Variants in GABRA4 observed in about 807,000 individuals in gnomAD.
GABRA4 encodes the protein gamma-aminobutyric acid receptor subunit alpha-4.
A neutral mutation model predicts 49.7 loss-of-function variants in GABRA4; 12 were observed. The observed-to-expected ratio is 0.24, with a 90% confidence interval of 0.15 to 0.39. The LOEUF (loss-of-function observed/expected upper bound fraction) is 0.39, where lower values mean the gene tolerates loss of function less well. GABRA4 is among the 10% of genes least tolerant of loss of function. GABRA4 has a pLI of 1.00. For missense variants in GABRA4, 506 were observed against 686.0 expected, an observed-to-expected ratio of 0.74 and a Z score of 2.93; for synonymous variants, 288 against 240.2, an observed-to-expected ratio of 1.20 and a Z score of -1.84.
chr4:46,921,202 T>C lies in GABRA4; in HGVS notation c.*7023A>G, dbSNP rs1721015693. 1 of 151,822 alleles carries C rather than the reference T, an allele frequency of 6.6e-6. No individual in the cohort carries two copies. The highest frequency in any genetic ancestry group is 2.1e-4 in the South Asian group (1 of 4,826). The allele number at this position is 151,822 out of a possible 1,614,324, so 9.4% of individuals were successfully genotyped here. Reference sequence around the variant, plus strand: ...TAAGAAACCATAGCATTTAAAAATTTTCCATTAAATGTATCGTTATCCAAA... The same window carrying C: ...TAAGAAACCATAGCATTTAAAAATTCTCCATTAAATGTATCGTTATCCAAA... On this transcript the variant is annotated 3_prime_UTR_variant, in exon 9 of 9. Transcript: ENST00000264318.
Position 46,992,874 on chromosome 4 carries a change from G to A in GABRA4, c.159C>T (p.Asp53=). The A allele has an allele frequency of 6.2e-7, 1 of 1,613,688 alleles. No individual in the cohort carries two copies. Residue 53 remains aspartate, a synonymous_variant, in exon 2 of 9, where the codon GAC becomes GAT. Transcript: ENST00000264318. The part of the protein sequence containing the change: ...LCTENFTRIL[D]SLLDGYDNRL... ...TGTTGTCATAACCATCGAGCAAACTGTCCAGGATGCGGGTGAAATTTTCTG... is the reference window on the plus strand; with the variant it reads ...TGTTGTCATAACCATCGAGCAAACTATCCAGGATGCGGGTGAAATTTTCTG...
At chr4:46,976,538 C>T (rs1723146415) in intron 5 of GABRA4, among the ~76,000 whole-genome samples, 1 of 151,564 alleles carries the variant, frequency 6.6e-6, no homozygotes, top group African/African-American at 2.4e-5. Context: ...TGCCATGCTT[C>T]AGTCACTGTT....
Position 46,993,456 on chromosome 4 carries a change from A to C in GABRA4, c.-32T>G. The C allele has an allele frequency of 6.2e-7, 1 of 1,609,614 alleles. No individual in the cohort carries two copies. Among genetic ancestry groups the C allele is most frequent in the Non-Finnish European group, 8.5e-7 (1 of 1,176,018 alleles). ...AACATGCCATACTTCAAGCCTGTTC[A>C]CGTTTCCAGGCTCTTCAGATGCCCT... On this transcript the variant is annotated 5_prime_UTR_variant, in exon 1 of 9. Coordinates refer to ENST00000264318, the MANE Select transcript of GABRA4 (RefSeq NM_000809.4).
At chr4:46,964,142 A>T (rs1236097506) in intron 8 of GABRA4, among the ~76,000 whole-genome samples, 2 of 151,936 alleles carry the variant, frequency 1.3e-5, no homozygotes, top group Non-Finnish European at 2.9e-5. Context: ...CATCAAGTTA[A>T]GTGACATAAT....
intron 7 of GABRA4, among the ~76,000 whole-genome samples, chr4:46,970,177 G>C (rs970554434): frequency 7.3e-5 from 11 of 151,332 alleles, no homozygotes; most frequent in African/African-American, 2.7e-4. Context: ...GTTCTATTTA[G>C]TTCCTTCGCA....
intron 8 of GABRA4, among the ~76,000 whole-genome samples, chr4:46,933,034 G>T (rs553604995): frequency 6.6e-6 from 1 of 152,162 alleles, no homozygotes; most frequent in Admixed American, 6.5e-5. Context: ...AAAATAAAAA[G>T]AATCAGTCTA....
chr4:46,928,588 G>A lies in GABRA4; in HGVS notation c.1302C>T (p.Asn434=), dbSNP rs1415203656. Residue 434 remains asparagine, a synonymous_variant, in exon 9 of 9, where the codon AAC becomes AAT. Transcript: ENST00000264318. ...TPRSYLASSP[N]PFSRANAAET... is the part of the protein sequence containing the mutation. ...CAGCTGCATTTGCACGGCTGAATGG[G>A]TTTGGACTGGAAGCTAAGTAAGACC... 6 of 1,613,778 alleles carry A rather than the reference G, an allele frequency of 3.7e-6. No individual in the cohort carries two copies. Among genetic ancestry groups the A allele is most frequent in the Admixed American group, 1.7e-5 (1 of 59,948 alleles).
intron 8 of GABRA4, among the ~76,000 whole-genome samples, chr4:46,949,701 G>C (rs1722098845): frequency 6.6e-6 from 1 of 152,072 alleles, no homozygotes; most frequent in Non-Finnish European, 1.5e-5. Flanking sequence ...AAATAGATTT[G>C]ACTGTGATGC....
chr4:46,967,903 C>T (rs753285400), intron 7 of GABRA4, among the ~76,000 whole-genome samples: 4 of 151,562 alleles, frequency 2.6e-5, no homozygotes, highest in Non-Finnish European at 5.9e-5. Context: ...TTAAGATATG[C>T]CAGCTGGCAT....
At chr4:46,989,775 A>G (rs774043638) in intron 2 of GABRA4, among the ~76,000 whole-genome samples, 5 of 152,266 alleles carry the variant, frequency 3.3e-5, no homozygotes, top group Admixed American at 1.3e-4. Flanking sequence ...CACGAAGAGC[A>G]GAAGCAGGAT....
intron 7 of GABRA4, among the ~76,000 whole-genome samples, chr4:46,970,834 C>T (rs1722928121): frequency 6.6e-6 from 1 of 151,526 alleles, no homozygotes; most frequent in Non-Finnish European, 1.5e-5. Context: ...TGTCCAGATT[C>T]ACATTTGGTC....
chr4:46,968,951 A>G (rs1031675394), intron 7 of GABRA4, among the ~76,000 whole-genome samples: 2 of 151,704 alleles, frequency 1.3e-5, no homozygotes, highest in East Asian at 3.9e-4. Context: ...ATGGAATGCC[A>G]TACTAATAAA....
Position 46,925,129 on chromosome 4 carries a change from T to A in GABRA4, c.*3096A>T, listed in dbSNP as rs1244518648. The A allele has an allele frequency of 6.6e-6, 1 of 151,940 alleles. No homozygotes were observed. Among genetic ancestry groups the A allele is most frequent in the Non-Finnish European group, 1.5e-5 (1 of 67,884 alleles). The allele number at this position is 151,940 out of a possible 1,614,324, so 9.4% of individuals were successfully genotyped here. ...TGCTTTGTTTGAAAAGGGGTCACTTTTAAGGTGAGATTATTGAAAAATGAC... is the reference window on the plus strand; with the variant it reads ...TGCTTTGTTTGAAAAGGGGTCACTTATAAGGTGAGATTATTGAAAAATGAC... On this transcript the variant is annotated 3_prime_UTR_variant, in exon 9 of 9. Coordinates refer to ENST00000264318, the MANE Select transcript of GABRA4 (RefSeq NM_000809.4).
chr4:46,947,555 T>A (rs1173310050), intron 8 of GABRA4, among the ~76,000 whole-genome samples: 1 of 149,816 alleles, frequency 6.7e-6, no homozygotes, highest in African/African-American at 2.5e-5. Context: ...GAAAGAAGGA[T>A]AGAAAGAAGA....
intron 8 of GABRA4, among the ~76,000 whole-genome samples, chr4:46,928,988 T>C (rs927234761): frequency 1.3e-5 from 2 of 152,060 alleles, no homozygotes; most frequent in African/African-American, 2.4e-5. Context: ...TACATTCTTA[T>C]AAATAATTAA....
At chr4:46,974,107 A>T (rs1223391907) in intron 6 of GABRA4, 125 bp downstream of exon 6, 3 of 854,080 alleles carry the variant, frequency 3.5e-6, no homozygotes, top group Non-Finnish European at 5.4e-6. Flanking sequence ...CTCATGCATC[A>T]ACTCTATTTC....
At chr4:46,932,135 C>T (rs1434855709) in intron 8 of GABRA4, among the ~76,000 whole-genome samples, 1 of 152,074 alleles carries the variant, frequency 6.6e-6, no homozygotes, top group Non-Finnish European at 1.5e-5. Flanking sequence ...GATTGGCCTG[C>T]CCAGAACTCA....
rs1386625916 is a variant in GABRA4 at position 46,974,218 on chromosome 4, A to G, written c.721+14T>C. The G allele has an allele frequency of 5.0e-6, 8 of 1,604,872 alleles. No individual in the cohort carries two copies. The East Asian group carries it at 1.3e-4, about 27-fold the overall frequency. On this transcript the variant is annotated intron_variant, in intron 6 of 8. Transcript: ENST00000264318. ...ACCAAGTAGCATGTCGGCTTTAATCATTACACATCTCACCCGTAATTGATT... is the reference window on the plus strand; with the variant it reads ...ACCAAGTAGCATGTCGGCTTTAATCGTTACACATCTCACCCGTAATTGATT...
In GABRA4 at chr4:46,927,262, C is replaced by T. The variant is rs1721261613; in HGVS notation, c.*963G>A. On this transcript the variant is annotated 3_prime_UTR_variant, in exon 9 of 9. Transcript: ENST00000264318. Reference sequence around the variant, plus strand: ...TTGAAAACCAATTGCTGAAGTTGTACTGACATCAAAGTGGTTATGTGAACA... The same window carrying T: ...TTGAAAACCAATTGCTGAAGTTGTATTGACATCAAAGTGGTTATGTGAACA... The T allele has an allele frequency of 6.6e-6, 1 of 152,436 alleles. No homozygotes were observed. The highest frequency in any genetic ancestry group is 1.5e-5 in the Non-Finnish European group (1 of 67,952). The allele number at this position is 152,436 out of a possible 1,614,324, so 9.4% of individuals were successfully genotyped here.
Sources: gnomAD v4.1 joint callset for allele counts (sites outside exome capture counted in the v4.1 genomes callset) on GRCh38, gnomAD v4.1.1 for gene constraint, MANE v1.5 for transcripts, NCBI Gene and HGNC (gene_info 2026-07-23, HGNC 2026-07-21) for gene names.